Variants in ARHGEF10 observed in about 807,000 individuals in gnomAD.
ARHGEF10 encodes the protein Rho guanine nucleotide exchange factor 10.
In ARHGEF10, 140 loss-of-function variants were observed where a neutral mutation model predicts 147.4. That is an observed-to-expected ratio of 0.95 (90% CI 0.83 to 1.09). The LOEUF is 1.09. ARHGEF10 is among the 50% of genes least tolerant of loss of function. The probability of loss-of-function intolerance (pLI) is 0.00; values close to 1 mark genes in which losing one functional copy is unlikely to be tolerated. For synonymous variants in ARHGEF10, 902 were observed against 695.8 expected (o/e 1.30, Z -4.67); for missense variants, 2,222 against 1,752.7 (o/e 1.27, Z -4.78).
In ARHGEF10 at chr8:1,923,492, G is replaced by C; in HGVS notation, c.2284G>C (p.Asp762His). 6.2e-7 allele frequency: 1 copy of C among 1,614,126 alleles called. No individual in the cohort carries two copies. The highest frequency in any genetic ancestry group is 2.2e-5 in the East Asian group (1 of 44,888). Residue 762 changes from aspartate to histidine, a missense_variant, in exon 20 of 29, where the codon GAC becomes CAC. By Grantham distance (81) the Asp-to-His change is moderately conservative. Transcript: ENST00000349830. ...GAACTTAAACCAGTCAGTAGCCCAT[G>C]ACTGGACATCAGGTTTACAAAGGCT... ...YQNLNQSVAH[D>H]WTSGLQRLIL...
intron 7 of ARHGEF10, among the ~76,000 whole-genome samples, chr8:1,873,851 G>C (rs989423388): frequency 6.8e-6 from 1 of 148,052 alleles, no homozygotes; most frequent in Admixed American, 6.8e-5. Context: ...AGGCCACACA[G>C]GGCCACTTTT....
At chr8:1,935,187 G>A (rs981063723) in intron 26 of ARHGEF10, among the ~76,000 whole-genome samples, 6 of 151,954 alleles carry the variant, frequency 3.9e-5, no homozygotes, top group Non-Finnish European at 8.8e-5. Context: ...AATTTTCCAT[G>A]TACCCCTCCT....
rs1188319549 is a variant in ARHGEF10, at chr8:1,926,562, T to G, written c.2697+99T>G. 2.6e-6 allele frequency: 3 copies of G among 1,132,584 alleles called. 1 individual carries two copies. The South Asian group carries it at 3.7e-5, about 14-fold the overall frequency. 70.2% of individuals were successfully genotyped at this position (1,132,584 alleles called of 1,614,324 possible). A position where few individuals can be genotyped will look rare whatever the true frequency, so the allele number is the denominator to read the frequency against. The stretch of plus-strand genomic sequence containing the variant: ...GAGATGTGAATTGCTCAGTAGAGAG[T>G]TGGCGGTGGCGTATCCCAGAGTGTA... On this transcript the variant is annotated intron_variant, in intron 23 of 28. Transcript: ENST00000349830.
At chr8:1,883,786 C>T (rs1362687837) in intron 10 of ARHGEF10, among the ~76,000 whole-genome samples, 1 of 152,144 alleles carries the variant, frequency 6.6e-6, no homozygotes, top group Non-Finnish European at 1.5e-5. Context: ...ATTACACAGC[C>T]CCTGGAAAGC....
intron 28 of ARHGEF10, among the ~76,000 whole-genome samples, chr8:1,956,184 A>G (rs1815550803): frequency 6.6e-6 from 1 of 152,230 alleles, no homozygotes; most frequent in African/African-American, 2.4e-5. Context: ...GAAGACCTGC[A>G]GGTGTTTCTG....
rs1404850014 is a variant in ARHGEF10 at position 1,833,414 on chromosome 8, G to A, written c.-48+9301G>A. Among the ~76,000 whole-genome samples, 274 of 147,322 alleles carry A rather than the reference G, an allele frequency of 1.9e-3. 5 individuals are homozygous for A. Among genetic ancestry groups the A allele is most frequent in the African/African-American group, 6.6e-3 (264 of 39,820 alleles). On this transcript the variant is annotated intron_variant, in intron 1 of 28. Transcript: ENST00000349830. ...GACAGGGGCAGAGACAGAGACAGAG[G>A]CAGAGACAGAGACAGAGACAGAGGC...
chr8:1,839,896 G>A (rs1344457776), intron 1 of ARHGEF10, among the ~76,000 whole-genome samples: 1 of 131,134 alleles, frequency 7.6e-6, no homozygotes. Flanking sequence ...CTGGTGTGGG[G>A]ACTGTCCGGT....
In ARHGEF10 at chr8:1,947,382, G is replaced by A. The variant is rs551845618; in HGVS notation, c.3397+1727G>A. Among the ~76,000 whole-genome samples, 10 of 152,320 alleles carry A rather than the reference G, an allele frequency of 6.6e-5. No homozygotes were observed. In the South Asian group the frequency reaches 1.4e-3, roughly 22 times the overall value. On this transcript the variant is annotated intron_variant, in intron 27 of 28. Coordinates refer to ENST00000349830, the MANE Select transcript of ARHGEF10 (RefSeq NM_014629.4). ...GTTTCAGAGTTCCGAGAGCAGCCAC[G>A]GAAATGCAGCGGCCCTGCAGGATCC...
Position 1,869,245 on chromosome 8 carries a change from A to C in ARHGEF10, c.674A>C (p.Glu225Ala). The C allele has an allele frequency of 6.2e-7, 1 of 1,613,870 alleles. No homozygotes were observed. The highest frequency in any genetic ancestry group is 1.7e-5 in the Admixed American group (1 of 60,022). Reference protein sequence around the residue: ...DDVPRENSDSEPDEMIYDDVE... With the variant: ...DDVPRENSDSAPDEMIYDDVE... ...GTTCCAAGGGAAAACTCAGACTCTG[A>C]ACCAGGTTTGATTTTGTCTGGAATT... Residue 225 changes from glutamate to alanine, a missense_variant, in exon 7 of 29, where the codon GAA becomes GCA. Coordinates refer to ENST00000349830, the MANE Select transcript of ARHGEF10 (RefSeq NM_014629.4).
At chr8:1,882,004 C>G (rs1247441743) in intron 9 of ARHGEF10, among the ~76,000 whole-genome samples, 3 of 152,204 alleles carry the variant, frequency 2.0e-5, no homozygotes, top group Non-Finnish European at 4.4e-5. Flanking sequence ...GAGTGTCCAG[C>G]ACAGCTCTGG....
chr8:1,922,556 C>T (rs953700989), intron 18 of ARHGEF10, among the ~76,000 whole-genome samples: 11 of 152,138 alleles, frequency 7.2e-5, no homozygotes, highest in Non-Finnish European at 1.2e-4. Context: ...ACGTGACCAC[C>T]GAACGCAGTG....
intron 1 of ARHGEF10, among the ~76,000 whole-genome samples, chr8:1,830,188 C>T (rs188510927): frequency 0.013 from 1,945 of 152,278 alleles, 46 homozygotes; most frequent in African/African-American, 0.045. Context: ...GCTGTGTGCG[C>T]GCACCTGTAA....
chr8:1,895,283 A>G (rs1809882055), intron 13 of ARHGEF10, among the ~76,000 whole-genome samples: 2 of 152,226 alleles, frequency 1.3e-5, no homozygotes, highest in African/African-American at 4.8e-5. Flanking sequence ...CTAGATGTAG[A>G]GGATTATGAG....
intron 14 of ARHGEF10, among the ~76,000 whole-genome samples, chr8:1,898,193 A>G (rs946067397): frequency 2.0e-5 from 3 of 152,152 alleles, no homozygotes; most frequent in African/African-American, 7.2e-5. Context: ...GGCCCGGGGA[A>G]TTCACCCCTG....
chr8:1,896,469 AT>A lies in ARHGEF10; in HGVS notation c.1557+23del. On this transcript the variant is annotated intron_variant, in intron 14 of 28. Coordinates refer to ENST00000349830, the MANE Select transcript of ARHGEF10 (RefSeq NM_014629.4). ...TTAAAGGTAAGCGCTTTTTTTTTTC[AT>A]TTGGGTTTTAACACCATCTGATAAC... 6.5e-7 allele frequency: 1 copy of A among 1,533,944 alleles called. No homozygotes were observed. The highest frequency in any genetic ancestry group is 1.1e-5 in the South Asian group (1 of 88,954).
intron 2 of ARHGEF10, among the ~76,000 whole-genome samples, chr8:1,843,966 C>T (rs1804300107): frequency 6.6e-6 from 1 of 152,184 alleles, no homozygotes; most frequent in Non-Finnish European, 1.5e-5. Context: ...AAATTGTTGC[C>T]AAAAAGACTA....
At chr8:1,872,296 C>G (rs1327475209) in intron 7 of ARHGEF10, among the ~76,000 whole-genome samples, 1 of 152,170 alleles carries the variant, frequency 6.6e-6, no homozygotes, top group African/African-American at 2.4e-5. Flanking sequence ...GAACAGCCCA[C>G]CAGGCTCAGA....
intron 15 of ARHGEF10, among the ~76,000 whole-genome samples, chr8:1,899,675 G>A (rs1161087542): frequency 1.3e-5 from 2 of 152,212 alleles, no homozygotes; most frequent in South Asian, 2.1e-4. Flanking sequence ...CAGTTTGCCT[G>A]TATTACAGCA....
rs560425104 is a variant in ARHGEF10 at position 1,852,786 on chromosome 8, G to C, written c.38-5174G>C. Among the ~76,000 whole-genome samples the C allele has an allele frequency of 3.0e-3, 463 of 152,354 alleles. 1 individual carries two copies. Among genetic ancestry groups the C allele is most frequent in the African/African-American group, 0.01 (432 of 41,588 alleles). On this transcript the variant is annotated intron_variant, in intron 2 of 28. Transcript: ENST00000349830. ...CTCACAAGTGTAAAAAGTCAGGTTGGTAAGAAGTCAGTGCCACCAAGGCAG... is the reference window on the plus strand; with the variant it reads ...CTCACAAGTGTAAAAAGTCAGGTTGCTAAGAAGTCAGTGCCACCAAGGCAG...
Sources: allele counts gnomAD v4.1 joint callset (sites outside exome capture counted in the v4.1 genomes callset), GRCh38; gene constraint gnomAD v4.1.1; transcripts MANE v1.5; gene names NCBI Gene and HGNC (gene_info 2026-07-23, HGNC 2026-07-21).